RYR2: variants seen among roughly 807,000 people sequenced by gnomAD.
The protein encoded by RYR2 is cardiac muscle ryanodine receptor-calcium release channel.
RYR2 carries 227 observed loss-of-function variants against 601.1 expected under a neutral mutation model. The observed-to-expected ratio is 0.38, with a 90% CI of 0.34 to 0.42. The LOEUF is 0.42. Ranked by LOEUF, RYR2 falls within the 10% of genes least tolerant of loss-of-function variation. The pLI is 1.00. For missense variants in RYR2, 4,646 were observed against 6,156.5 expected, an observed-to-expected ratio of 0.75 and a Z score of 8.21; for synonymous variants, 2,223 against 2,175.1, an observed-to-expected ratio of 1.02 and a Z score of -0.61.
At chr1:237,104,192 G>A (rs541959526) in intron 1 of RYR2, among the ~76,000 whole-genome samples, 15 of 152,184 alleles carry the variant, frequency 9.9e-5, no homozygotes, top group Middle Eastern at 3.4e-3. Flanking sequence ...TCCATGGAAC[G>A]TGCCTGTCTG....
At chr1:237,311,640 C>T (rs1462545120) in intron 2 of RYR2, among the ~76,000 whole-genome samples, 2 of 151,974 alleles carry the variant, frequency 1.3e-5, no homozygotes, top group African/African-American at 2.4e-5. Context: ...CCACCACAAC[C>T]AGCTAATTTT....
At chr1:237,356,466 G>A (rs1295217429) in intron 4 of RYR2, among the ~76,000 whole-genome samples, 1 of 149,856 alleles carries the variant, frequency 6.7e-6, no homozygotes, top group Non-Finnish European at 1.5e-5. Flanking sequence ...GTCTCACTAT[G>A]TTGCCCAGGC....
intron 1 of RYR2, among the ~76,000 whole-genome samples, chr1:237,055,764 C>A (rs577378214): frequency 3.4e-4 from 51 of 152,142 alleles, no homozygotes; most frequent in Non-Finnish European, 6.6e-4. Context: ...TAGAATGTGA[C>A]CTTAATGGGA....
chr1:237,148,524 AAAAATATATATATAT>A (rs1352225212), intron 1 of RYR2, among the ~76,000 whole-genome samples: 7 of 79,778 alleles, frequency 8.8e-5, no homozygotes, highest in African/African-American at 3.8e-4. Flanking sequence ...GTAAAAAAAA[AAAAATATATATATAT>A]ATATATATAT....
chr1:237,607,228 G>A (rs1304024587), intron 35 of RYR2, among the ~76,000 whole-genome samples: 1 of 152,144 alleles, frequency 6.6e-6, no homozygotes, highest in Non-Finnish European at 1.5e-5. Flanking sequence ...TATACACCAC[G>A]GAATACTATC....
At chr1:237,722,400 T>C (rs1229791267) in intron 73 of RYR2, among the ~76,000 whole-genome samples, 2 of 152,138 alleles carry the variant, frequency 1.3e-5, no homozygotes, top group African/African-American at 2.4e-5. Context: ...AATTTCATGA[T>C]GACCAGGACT....
chr1:237,732,924 A>G (rs1441668865), intron 78 of RYR2, among the ~76,000 whole-genome samples: 7 of 152,176 alleles, frequency 4.6e-5, no homozygotes, highest in African/African-American at 1.7e-4. Flanking sequence ...ATCCACATGA[A>G]TCTCCTCAGA....
chr1:237,565,199 CTTTCTTTCTTTCTTTCTT>C (rs1343030365), intron 27 of RYR2, among the ~76,000 whole-genome samples: 4 of 110,056 alleles, frequency 3.6e-5, no homozygotes, highest in African/African-American at 1.5e-4. Context: ...TTCTTTCTTT[CTTTCTTTCTTTCTTTCTT>C]TCTTTCTTTT....
chr1:237,271,099 C>T (rs1013082216), intron 2 of RYR2, among the ~76,000 whole-genome samples: 1 of 151,696 alleles, frequency 6.6e-6, no homozygotes, highest in Non-Finnish European at 1.5e-5. Context: ...ATTTGACTTT[C>T]ATTGGTAGAA....
intron 14 of RYR2, among the ~76,000 whole-genome samples, chr1:237,446,220 G>A (rs549839983): frequency 6.6e-5 from 10 of 152,146 alleles, no homozygotes; most frequent in Non-Finnish European, 1.2e-4. Context: ...CCTAATAATT[G>A]CATATCTATA....
intron 3 of RYR2, among the ~76,000 whole-genome samples, chr1:237,354,440 C>G (rs961261670): frequency 2.0e-5 from 3 of 151,882 alleles, no homozygotes; most frequent in Non-Finnish European, 4.4e-5. Flanking sequence ...GTTGATAGCA[C>G]TAAAAATATG....
At chr1:237,809,491 C>G (rs1661030687) in intron 100 of RYR2, among the ~76,000 whole-genome samples, 1 of 151,982 alleles carries the variant, frequency 6.6e-6, no homozygotes, top group South Asian at 2.1e-4. Flanking sequence ...CTTTTTTGGT[C>G]TTGGTTTTCA....
At chr1:237,739,404 C>G (rs1023361047) in intron 79 of RYR2, among the ~76,000 whole-genome samples, 4 of 152,134 alleles carry the variant, frequency 2.6e-5, no homozygotes, top group Non-Finnish European at 4.4e-5. Flanking sequence ...TCTTTACCAG[C>G]TGTCATCCCT....
At position 237,507,794 on chromosome 1, in the gene RYR2, A is replaced by G. The variant is rs73110501; in HGVS notation, c.2718+980A>G. 3.0e-3 allele frequency among the ~76,000 whole-genome samples: 459 copies of G among 152,352 alleles called. 6 individuals are homozygous for G. Among genetic ancestry groups the G allele is most frequent in the African/African-American group, 0.011 (448 of 41,588 alleles). ...CACATAGCTAGTGAGTAGCAGCTCC[A>G]AGACTGGAATCAAGGTTTTCTAAGA... On this transcript the variant is annotated intron_variant, in intron 23 of 104. Coordinates refer to ENST00000366574, the MANE Select transcript of RYR2 (RefSeq NM_001035.3).
intron 56 of RYR2, 87 bp downstream of exon 56, chr1:237,661,034 A>G (rs1397187994): frequency 1.7e-6 from 2 of 1,185,972 alleles, no homozygotes; most frequent in African/African-American, 1.6e-5. Context: ...TTTCTAAAGA[A>G]TAATCTGAAA....
chr1:237,814,580 G>C (rs1240237943), intron 100 of RYR2, among the ~76,000 whole-genome samples: 1 of 150,972 alleles, frequency 6.6e-6, no homozygotes, highest in African/African-American at 2.4e-5. Flanking sequence ...AGATTAGGAT[G>C]TTTTGAGCCT....
chr1:237,308,804 T>C (rs12129966), intron 2 of RYR2, among the ~76,000 whole-genome samples: 11 of 152,082 alleles, frequency 7.2e-5, no homozygotes, highest in Non-Finnish European at 1.3e-4. Context: ...TTGCCTCTGC[T>C]GGCTTGGGCA....
intron 27 of RYR2, among the ~76,000 whole-genome samples, chr1:237,563,843 T>TACA (rs2148220418): frequency 6.6e-6 from 1 of 152,302 alleles, no homozygotes; most frequent in East Asian, 1.9e-4. Flanking sequence ...TGTGAAGTCT[T>TACA]GATATATTAG....
At position 237,466,632 on chromosome 1, in the gene RYR2, C is replaced by T. The variant is rs571367754; in HGVS notation, c.1613-2460C>T. On this transcript the variant is annotated intron_variant, in intron 16 of 104. Coordinates refer to ENST00000366574, the MANE Select transcript of RYR2 (RefSeq NM_001035.3). ...AATGTATTAATTTCTACTTTTATTG[C>T]GATTTATTTTTTTCTGTTTTACTGA... 1.9e-3 allele frequency among the ~76,000 whole-genome samples: 293 copies of T among 151,500 alleles called. 1 individual carries two copies. The highest frequency in any genetic ancestry group is 6.6e-3 in the African/African-American group (273 of 41,364).
Sources: allele counts gnomAD v4.1 joint callset (sites outside exome capture counted in the v4.1 genomes callset), GRCh38; gene constraint gnomAD v4.1.1; transcripts MANE v1.5; gene names NCBI Gene and HGNC (gene_info 2026-07-23, HGNC 2026-07-21).